ATG10: variants seen among roughly 807,000 people sequenced by gnomAD.
The protein encoded by ATG10 is autophagy related 10, also known as ubiquitin-like-conjugating enzyme ATG10.
Under a neutral mutation model 32.1 loss-of-function variants are expected in ATG10, and 30 were observed. The observed-to-expected ratio is 0.94, with a 90% CI of 0.70 to 1.27. The LOEUF (loss-of-function observed/expected upper bound fraction) is 1.27, where lower values mean the gene tolerates loss of function less well. ATG10 is among the 50% of genes most tolerant of loss of function. ATG10 has a pLI of 0.00. For synonymous variants in ATG10, 87 were observed against 91.5 expected (o/e 0.95, Z 0.28); for missense variants, 233 against 262.3 (o/e 0.89, Z 0.77).
At chr5:82,020,049 G>T (rs1762394579) in intron 2 of ATG10, among the ~76,000 whole-genome samples, 1 of 152,186 alleles carries the variant, frequency 6.6e-6, no homozygotes, top group African/African-American at 2.4e-5. Context: ...CCCCATGGGG[G>T]AGTTAGCAGC....
intron 3 of ATG10, among the ~76,000 whole-genome samples, chr5:82,127,534 A>G (rs1243229002): frequency 4.6e-5 from 7 of 152,000 alleles, no homozygotes; most frequent in African/African-American, 7.2e-5. Flanking sequence ...CTTAATTTTC[A>G]TTATTTGCCC....
intron 3 of ATG10, among the ~76,000 whole-genome samples, chr5:82,088,429 G>C (rs558313510): frequency 6.6e-6 from 1 of 152,268 alleles, no homozygotes; most frequent in South Asian, 2.1e-4. Context: ...TTAGAAAATT[G>C]TTGAAATACC....
chr5:82,200,651 A>G (rs1331226575), intron 5 of ATG10, among the ~76,000 whole-genome samples: 2 of 149,726 alleles, frequency 1.3e-5, no homozygotes, highest in African/African-American at 4.9e-5. Flanking sequence ...CTATTTGCCC[A>G]TTTTAAACAT....
At chr5:82,140,954 T>G (rs369791491) in intron 3 of ATG10, among the ~76,000 whole-genome samples, 14,859 of 75,664 alleles carry the variant, frequency 0.2, 1,396 homozygotes, top group African/African-American at 0.28. Context: ...AAACATGTGC[T>G]GTGTCCACTC....
At chr5:82,141,846 G>C in intron 3 of ATG10, among the ~76,000 whole-genome samples, 1 of 150,562 alleles carries the variant, frequency 6.6e-6, no homozygotes, top group Non-Finnish European at 1.5e-5. Flanking sequence ...CCATAAGGCT[G>C]TTTGAAAAAA....
chr5:82,115,453 T>A (rs1765774577), intron 3 of ATG10, among the ~76,000 whole-genome samples: 1 of 152,072 alleles, frequency 6.6e-6, no homozygotes, highest in African/African-American at 2.4e-5. Flanking sequence ...TTCGTTTTAC[T>A]GCTTTTATAC....
chr5:82,223,173 T>G (rs1412152403), intron 5 of ATG10, among the ~76,000 whole-genome samples: 2 of 152,260 alleles, frequency 1.3e-5, no homozygotes. Flanking sequence ...TATCTGTTTT[T>G]TTGTTTGTTT....
intron 5 of ATG10, among the ~76,000 whole-genome samples, chr5:82,250,091 T>C (rs942465054): frequency 6.6e-6 from 1 of 152,234 alleles, no homozygotes; most frequent in Non-Finnish European, 1.5e-5. Flanking sequence ...TTGGCAACTA[T>C]GTAAGTCATC....
intron 3 of ATG10, among the ~76,000 whole-genome samples, chr5:82,160,476 A>G (rs988620062): frequency 4.6e-5 from 7 of 152,182 alleles, no homozygotes; most frequent in Non-Finnish European, 8.8e-5. Flanking sequence ...GCTGCTATGA[A>G]CATTCATGCA....
intron 3 of ATG10, among the ~76,000 whole-genome samples, chr5:82,074,837 C>A (rs1764225375): frequency 2.0e-5 from 3 of 152,172 alleles, no homozygotes; most frequent in Admixed American, 6.5e-5. Flanking sequence ...TAGCGATAGT[C>A]AGGAGAAAGG....
intron 3 of ATG10, among the ~76,000 whole-genome samples, chr5:82,103,873 C>T (rs1444827941): frequency 6.6e-6 from 1 of 152,134 alleles, no homozygotes; most frequent in African/African-American, 2.4e-5. Flanking sequence ...CAGTTACTAC[C>T]TGCCCCCAAC....
At chr5:82,194,023 A>T (rs916281406) in intron 5 of ATG10, among the ~76,000 whole-genome samples, 9 of 152,198 alleles carry the variant, frequency 5.9e-5, no homozygotes, top group Non-Finnish European at 2.9e-5. Context: ...GTCTCACAAT[A>T]GGTCTTTCTT....
chr5:82,218,836 G>T (rs1745805457), intron 5 of ATG10, among the ~76,000 whole-genome samples: 1 of 152,148 alleles, frequency 6.6e-6, no homozygotes, highest in Admixed American at 6.6e-5. Context: ...TGATATGGAA[G>T]ACTTAAATCA....
chr5:82,207,336 T>TTTTTAAA (rs1745338642), intron 5 of ATG10, among the ~76,000 whole-genome samples: 1 of 152,362 alleles, frequency 6.6e-6, no homozygotes, highest in African/African-American at 2.4e-5. Context: ...ATTGTCAGTC[T>TTTTTAAA]TTTTAAATTT....
chr5:82,151,568 A>T (rs188586668), intron 3 of ATG10, among the ~76,000 whole-genome samples: 92 of 152,064 alleles, frequency 6.1e-4, no homozygotes, highest in African/African-American at 2.0e-3. Flanking sequence ...TTTAGTTAAC[A>T]TAGCTCTTAC....
intron 3 of ATG10, among the ~76,000 whole-genome samples, chr5:82,083,913 C>A (rs1019019379): frequency 2.6e-5 from 4 of 152,206 alleles, no homozygotes; most frequent in Non-Finnish European, 5.9e-5. Flanking sequence ...AAAATCAGAA[C>A]ACCTCTTCTC....
At chr5:82,193,404 T>C (rs111644798) in intron 5 of ATG10, among the ~76,000 whole-genome samples, 4 of 152,328 alleles carry the variant, frequency 2.6e-5, no homozygotes, top group African/African-American at 9.6e-5. Flanking sequence ...TCAAATCATC[T>C]TTAATAACTG....
intron 2 of ATG10, among the ~76,000 whole-genome samples, chr5:82,025,428 G>A (rs1561260892): frequency 6.6e-6 from 1 of 152,180 alleles, no homozygotes; most frequent in East Asian, 1.9e-4. Context: ...ATGTCCTTCA[G>A]TATAGCATTC....
intron 5 of ATG10, among the ~76,000 whole-genome samples, chr5:82,213,571 C>T (rs899302962): frequency 6.6e-6 from 1 of 152,112 alleles, no homozygotes; most frequent in Admixed American, 6.6e-5. Context: ...CTGGAAACCA[C>T]CTTATAATGA....
Sources: allele counts gnomAD v4.1 joint callset (sites outside exome capture counted in the v4.1 genomes callset), GRCh38; gene constraint gnomAD v4.1.1; transcripts MANE v1.5; gene names NCBI Gene and HGNC (gene_info 2026-07-23, HGNC 2026-07-21).